The following BPTF variants were observed in gnomAD, a reference collection of about 807,000 sequenced individuals.
The protein encoded by BPTF is bromodomain PHD finger transcription factor.
In BPTF, 18 loss-of-function variants were observed where a neutral mutation model predicts 292.5. The ratio of observed to expected loss-of-function variants is 0.06; its 90% CI spans 0.04 to 0.09. The LOEUF is 0.09. Among genes scored for constraint, BPTF ranks in the 10% least tolerant of loss-of-function variants. The probability of loss-of-function intolerance (pLI) is 1.00; values close to 1 mark genes in which losing one functional copy is unlikely to be tolerated. For synonymous variants in BPTF, 1,225 were observed against 1,251.9 expected (o/e 0.98, Z 0.45); for missense variants, 2,726 against 3,498.7 (o/e 0.78, Z 5.57).
Position 67,879,255 on chromosome 17 carries a change from C to T in BPTF, c.1864+4235C>T, listed in dbSNP as rs577342191. On this transcript the variant is annotated intron_variant, in intron 4 of 27. Transcript: ENST00000306378. Reference sequence around the variant, plus strand: ...CTTCCTGTTTCAAGCGATTCTCCTGCCTCAGCCTCCCAAATAGCTGGGATT... The same window carrying T: ...CTTCCTGTTTCAAGCGATTCTCCTGTCTCAGCCTCCCAAATAGCTGGGATT... 4.6e-5 allele frequency among the ~76,000 whole-genome samples: 7 copies of T among 151,900 alleles called. No individual in the cohort carries two copies. In the East Asian group the frequency reaches 1.4e-3, roughly 29 times the overall value.
At chr17:67,976,115 C>A in intron 27 of BPTF, 157 bp downstream of exon 27, 1 of 551,548 alleles carries the variant, frequency 1.8e-6, no homozygotes, top group African/African-American at 2.0e-5. Context: ...TTATGATCTA[C>A]TGCCAAGGAG....
intron 3 of BPTF, 25 bp from the exon 4 acceptor site, chr17:67,874,792 T>C (rs1460395087): frequency 4.0e-6 from 6 of 1,515,696 alleles, no homozygotes; most frequent in Non-Finnish European, 5.4e-6. Flanking sequence ...AGGAATAATT[T>C]TTTTGTTTGT....
At chr17:67,870,263 T>G (rs1392623325) in intron 3 of BPTF, among the ~76,000 whole-genome samples, 1 of 145,988 alleles carries the variant, frequency 6.8e-6, no homozygotes, top group Non-Finnish European at 1.5e-5. Context: ...TTTCTTTCCT[T>G]TTTTTTTTTT....
At position 67,912,688 on chromosome 17, in the gene BPTF, G is replaced by C. The variant is rs1375110506; in HGVS notation, c.4804G>C (p.Val1602Leu). Residue 1602 changes from valine (V) to leucine (L), a missense_variant, in exon 11 of 28, where the codon GTG (valine) becomes CTG (leucine). Val to Leu is a conservative substitution (Grantham distance 32). Transcript: ENST00000306378. ...CACAGTGGCCACAGAATCAAAAACTGTGATCAAGGTAGAAAAAGGCGATAA... is the reference window on the plus strand; with the variant it reads ...CACAGTGGCCACAGAATCAAAAACTCTGATCAAGGTAGAAAAAGGCGATAA... Reference protein sequence around the residue: ...TSTVATESKTVIKVEKGDKQT... With the variant: ...TSTVATESKTLIKVEKGDKQT... The C allele has an allele frequency of 1.2e-6, 2 of 1,614,042 alleles. No individual in the cohort carries two copies. The highest frequency in any genetic ancestry group is 2.2e-5 in the South Asian group (2 of 91,084).
Position 67,959,673 on chromosome 17 carries a change from C to T in BPTF, c.8059C>T (p.Pro2687Ser), listed in dbSNP as rs782537973. 2 of 1,612,302 alleles carry T rather than the reference C, an allele frequency of 1.2e-6. No homozygotes were observed. The highest frequency in any genetic ancestry group is 3.3e-5 in the Admixed American group (2 of 59,774). ...AGCCCCTCCAGCCCCTCCACCTTCA[C>T]CTCCCCCTCCACCTGCTGTGCAACA... ...PPAPPAPPPSPPPPPAVQHTG... is the reference protein window; with the variant it reads ...PPAPPAPPPSSPPPPAVQHTG... Residue 2687 changes from proline to serine, a missense_variant, in exon 24 of 28, where the codon CCT becomes TCT. Physicochemically the swap from Pro to Ser is moderately conservative, Grantham distance 74. Transcript: ENST00000306378.
Position 67,931,993 on chromosome 17 carries a change from T to G in BPTF, c.6233T>G (p.Ile2078Ser). The G allele has an allele frequency of 6.2e-7, 1 of 1,614,030 alleles. No homozygotes were observed. Among genetic ancestry groups the G allele is most frequent in the East Asian group, 2.2e-5 (1 of 44,872 alleles). ...LQQSTLGKAI[I>S]RTPVMVQPGA... ...CAGTCAACACTAGGAAAGGCAATTATTCGAACACCTGTGATGGTACAGCCA... is the reference window on the plus strand; with the variant it reads ...CAGTCAACACTAGGAAAGGCAATTAGTCGAACACCTGTGATGGTACAGCCA... The change falls in exon 18 of 28, where the codon ATT becomes AGT. Residue 2078 changes from isoleucine to serine, a missense_variant. This residue lies in a region of BPTF where 570 missense variants were observed against 633.5 expected (regional missense o/e 0.90). Transcript: ENST00000306378.
chr17:67,897,147 A>G (rs192266939), intron 7 of BPTF, among the ~76,000 whole-genome samples: 3 of 150,960 alleles, frequency 2.0e-5, no homozygotes, highest in South Asian at 2.1e-4. Flanking sequence ...ACGAACATGG[A>G]GAAACCCTTT....
At chr17:67,936,178 A>G (rs1467553683) in intron 18 of BPTF, among the ~76,000 whole-genome samples, 1 of 152,220 alleles carries the variant, frequency 6.6e-6, no homozygotes, top group Admixed American at 6.5e-5. Context: ...TTTAGCACCA[A>G]TTCTAATATG....
chr17:67,956,682 G>A (rs1270924031), intron 23 of BPTF: 1 of 143,832 alleles, frequency 7.0e-6, no homozygotes, highest in Non-Finnish European at 1.5e-5. Context: ...AAAAAAAAAC[G>A]GTCAGGCACA....
intron 4 of BPTF, among the ~76,000 whole-genome samples, chr17:67,875,344 ATTAC>A (rs1326868069): frequency 3.9e-5 from 6 of 152,158 alleles, no homozygotes; most frequent in Non-Finnish European, 8.8e-5. Context: ...TTTTATATTA[ATTAC>A]TTAAGCATTC....
chr17:67,875,495 C>T, intron 4 of BPTF: 1 of 1,321,868 alleles, frequency 7.6e-7, no homozygotes, highest in Non-Finnish European at 1.0e-6. Flanking sequence ...TGAATGTGGC[C>T]ATTTGCCCTG....
Position 67,972,850 on chromosome 17 carries a change from C to A in BPTF, c.8540-2922C>A, listed in dbSNP as rs562815096. 1.2e-3 allele frequency among the ~76,000 whole-genome samples: 186 copies of A among 151,650 alleles called. 1 individual carries two copies. Among genetic ancestry groups the A allele is most frequent in the Non-Finnish European group, 5.2e-4 (35 of 67,944 alleles). ...TAATATAAGTATGAACCAAGAATGT[C>A]CTAGTGTGATGTGTGCGTTCTTTCC... On this transcript the variant is annotated intron_variant, in intron 26 of 27. Coordinates refer to ENST00000306378, the MANE Select transcript of BPTF (RefSeq NM_182641.4).
At chr17:67,976,744 G>C (rs1321725771) in intron 27 of BPTF, among the ~76,000 whole-genome samples, 4 of 147,332 alleles carry the variant, frequency 2.7e-5, no homozygotes, top group Non-Finnish European at 6.0e-5. Context: ...TTCCTGAGCT[G>C]ATGATTGTCA....
At chr17:67,897,165 T>TAAA (rs201259416) in intron 7 of BPTF, among the ~76,000 whole-genome samples, 3 of 136,484 alleles carry the variant, frequency 2.2e-5, no homozygotes, top group African/African-American at 8.0e-5. Flanking sequence ...TTTCTCTACT[T>TAAA]AAAAAAAACA....
In BPTF at chr17:67,948,129, TAAA is replaced by T. The variant is rs2065951483; in HGVS notation, c.7750_7752del (p.Lys2584del). The stretch of plus-strand genomic sequence containing the variant: ...TGAAGTATATTTTGGATAAGATAGA[TAAA>T]GAAGAAAAACAGGCAGCAAAAAAAC... On this transcript the variant is annotated inframe_deletion, in exon 23 of 28. Transcript: ENST00000306378. The T allele has an allele frequency of 1.2e-6, 2 of 1,614,098 alleles. No homozygotes were observed. Among genetic ancestry groups the T allele is most frequent in the Non-Finnish European group, 1.7e-6 (2 of 1,180,008 alleles).
At chr17:67,919,275 C>A (rs1442454281) in intron 12 of BPTF, among the ~76,000 whole-genome samples, 1 of 151,710 alleles carries the variant, frequency 6.6e-6, no homozygotes, top group Admixed American at 6.6e-5. Context: ...GTGGCTCTCA[C>A]CTGTAATCCT....
At position 67,893,405 on chromosome 17, in the gene BPTF, G is replaced by T. The variant is rs755088972; in HGVS notation, c.2091G>T (p.Arg697=). The T allele has an allele frequency of 6.2e-7, 1 of 1,614,074 alleles. No individual in the cohort carries two copies. The highest frequency in any genetic ancestry group is 8.5e-7 in the Non-Finnish European group (1 of 1,179,994). Residue 697 remains arginine (R), a synonymous_variant, in exon 6 of 28, where the codon CGG becomes CGT. Transcript: ENST00000306378. The part of the protein sequence containing the change: ...LVVNSQGEIS[R]LSTKKEVIMK... ...TTAACTCTCAAGGAGAAATTTCACG[G>T]TTGAGCACCAAAAAGGAAGTGATCA...
At chr17:67,857,722 C>T (rs60463665) in intron 2 of BPTF, among the ~76,000 whole-genome samples, 14,984 of 151,304 alleles carry the variant, frequency 0.099, 2,577 homozygotes, top group African/African-American at 0.35. Context: ...CCTTCTCGGC[C>T]TCTCAAAGTG....
chr17:67,858,361 G>A (rs1210662269), intron 2 of BPTF, among the ~76,000 whole-genome samples: 1 of 152,166 alleles, frequency 6.6e-6, no homozygotes, highest in East Asian at 1.9e-4. Context: ...TGTTGAGGTG[G>A]TAACACGGAA....
Sources: gnomAD v4.1 joint callset for allele counts (sites outside exome capture counted in the v4.1 genomes callset) on GRCh38, gnomAD v4.1.1 for gene constraint, gnomAD v4.1.1 regional missense constraint, MANE v1.5 for transcripts, NCBI Gene and HGNC (gene_info 2026-07-23, HGNC 2026-07-21) for gene names.